Variants in FAM178B observed in about 807,000 individuals in gnomAD.
FAM178B encodes the protein protein FAM178B.
Under a neutral mutation model 91.7 loss-of-function variants are expected in FAM178B, and 82 were observed. The ratio of observed to expected loss-of-function variants is 0.89; its 90% CI spans 0.75 to 1.07. The LOEUF is 1.07. Among genes scored for constraint, FAM178B ranks in the 50% least tolerant of loss-of-function variants. FAM178B has a pLI of 0.00. For missense variants in FAM178B, 769 were observed against 846.7 expected (o/e 0.91, Z 1.14); for synonymous variants, 368 against 359.4 (o/e 1.02, Z -0.27).
At chr2:96,927,006 C>T (rs759841341) in intron 9 of FAM178B, among the ~76,000 whole-genome samples, 2 of 152,202 alleles carry the variant, frequency 1.3e-5, no homozygotes, top group African/African-American at 2.4e-5. Flanking sequence ...GGAGCCAGCT[C>T]GCACAAGACA....
intron 13 of FAM178B, chr2:96,895,183 C>T: frequency 9.0e-7 from 1 of 1,105,206 alleles, no homozygotes. Context: ...TATCGTTTTA[C>T]CCATAAAGAG....
intron 14 of FAM178B, among the ~76,000 whole-genome samples, chr2:96,887,147 G>A (rs1284165347): frequency 7.9e-5 from 12 of 152,092 alleles, no homozygotes; most frequent in African/African-American, 2.9e-4. Flanking sequence ...TCCAGGAGGC[G>A]GAGCTTGTAG....
chr2:96,913,286 G>A (rs1015968235), intron 12 of FAM178B, among the ~76,000 whole-genome samples: 4 of 152,204 alleles, frequency 2.6e-5, no homozygotes, highest in African/African-American at 9.7e-5. Flanking sequence ...CAGGAGGCTG[G>A]CCAGGAACTC....
intron 8 of FAM178B, among the ~76,000 whole-genome samples, chr2:96,947,270 C>A (rs775838445): frequency 6.6e-6 from 1 of 152,140 alleles, no homozygotes; most frequent in Non-Finnish European, 1.5e-5. Context: ...ATTAAATATA[C>A]CTCCTAAATG....
At chr2:96,895,370 A>G (rs541618670) in intron 13 of FAM178B, among the ~76,000 whole-genome samples, 5 of 152,182 alleles carry the variant, frequency 3.3e-5, no homozygotes, top group Admixed American at 6.5e-5. Context: ...AGGCCCACAC[A>G]CTGCTTTTGG....
intron 9 of FAM178B, among the ~76,000 whole-genome samples, chr2:96,924,983 G>C (rs2081411117): frequency 6.6e-6 from 1 of 152,040 alleles, no homozygotes; most frequent in Admixed American, 6.6e-5. Context: ...CAAACTTGGT[G>C]GGGGAGTGGA....
chr2:96,895,722 T>C (rs960261996), intron 13 of FAM178B, among the ~76,000 whole-genome samples: 7 of 152,332 alleles, frequency 4.6e-5, no homozygotes, highest in African/African-American at 1.7e-4. Flanking sequence ...TCTCTTTAGA[T>C]GGCACAGAAG....
chr2:96,985,133 G>A (rs1011444836), intron 1 of FAM178B, among the ~76,000 whole-genome samples: 2 of 152,138 alleles, frequency 1.3e-5, no homozygotes, highest in Non-Finnish European at 2.9e-5. Context: ...CCTACAGTAC[G>A]TGTCCTGACA....
intron 13 of FAM178B, among the ~76,000 whole-genome samples, chr2:96,897,086 C>T (rs1466442789): frequency 6.6e-6 from 1 of 152,154 alleles, no homozygotes; most frequent in African/African-American, 2.4e-5. Flanking sequence ...AGGCTGGTCT[C>T]GAACTCCTGA....
intron 14 of FAM178B, among the ~76,000 whole-genome samples, chr2:96,881,498 T>A (rs1313830880): frequency 6.6e-6 from 1 of 151,356 alleles, no homozygotes; most frequent in Non-Finnish European, 1.5e-5. Flanking sequence ...CCACTGCTGA[T>A]GGCGCAGCTC....
intron 6 of FAM178B, among the ~76,000 whole-genome samples, chr2:96,959,233 C>T (rs1229553261): frequency 6.9e-6 from 1 of 145,538 alleles, no homozygotes; most frequent in African/African-American, 2.6e-5. Flanking sequence ...AAAAGTAATC[C>T]TGCAATAATG....
chr2:96,876,882 CG>C (rs1342040410), intron 16 of FAM178B, among the ~76,000 whole-genome samples: 12 of 151,996 alleles, frequency 7.9e-5, no homozygotes, highest in Non-Finnish European at 1.6e-4. Context: ...GAGATGGGGC[CG>C]GAAGGGAGGG....
chr2:96,918,723 G>T (rs958324495), intron 12 of FAM178B, among the ~76,000 whole-genome samples: 1 of 152,166 alleles, frequency 6.6e-6, no homozygotes, highest in Non-Finnish European at 1.5e-5. Flanking sequence ...CCCAATTTCT[G>T]CCTCAAAGAA....
intron 9 of FAM178B, among the ~76,000 whole-genome samples, chr2:96,926,302 CA>C (rs201187658): frequency 3.4e-5 from 5 of 147,612 alleles, no homozygotes; most frequent in Admixed American, 1.4e-4. Context: ...AACTCTGTCT[CA>C]AAAAAAAAAG....
intron 13 of FAM178B, chr2:96,895,216 T>A: frequency 1.3e-6 from 1 of 763,354 alleles, no homozygotes; most frequent in Non-Finnish European, 1.9e-6. Context: ...AGATAAGGAT[T>A]TCCCCCCAAT....
At chr2:96,927,991 G>A (rs1276508488) in intron 9 of FAM178B, among the ~76,000 whole-genome samples, 4 of 152,242 alleles carry the variant, frequency 2.6e-5, no homozygotes, top group Non-Finnish European at 2.9e-5. Flanking sequence ...ATGGAGCTGC[G>A]AGCTCCGGGA....
At chr2:96,979,298 G>A (rs1274425935) in intron 1 of FAM178B, among the ~76,000 whole-genome samples, 1 of 73,622 alleles carries the variant, frequency 1.4e-5, no homozygotes, top group African/African-American at 5.5e-5. Context: ...TTTTTTTCCT[G>A]AGACAGAGTC....
chr2:96,918,607 C>T (rs2081280860), intron 12 of FAM178B, among the ~76,000 whole-genome samples: 1 of 152,180 alleles, frequency 6.6e-6, no homozygotes, highest in South Asian at 2.1e-4. Context: ...TGCAATTTCA[C>T]ATCAAGGAAT....
intron 1 of FAM178B, 61 bp from the exon 2 acceptor site, chr2:96,972,667 C>G: frequency 6.8e-7 from 1 of 1,470,586 alleles, no homozygotes. Context: ...GGTTCTAAAC[C>G]CCGTGATTCC....
Sources: gnomAD v4.1 joint callset for allele counts (sites outside exome capture counted in the v4.1 genomes callset) on GRCh38, gnomAD v4.1.1 for gene constraint, MANE v1.5 for transcripts, NCBI Gene and HGNC (gene_info 2026-07-23, HGNC 2026-07-21) for gene names.